The following KCNQ4 variants were observed in gnomAD, a reference collection of about 807,000 sequenced individuals.
KCNQ4 encodes the protein potassium voltage-gated channel subfamily Q member 4, also known as potassium voltage-gated channel subfamily KQT member 4.
Under a neutral mutation model 72.6 loss-of-function variants are expected in KCNQ4, and 31 were observed. That is an observed-to-expected ratio of 0.43 (90% CI 0.32 to 0.58). The LOEUF (loss-of-function observed/expected upper bound fraction) is 0.58. Ranked by LOEUF, KCNQ4 falls within the 20% of genes least tolerant of loss-of-function variation. The pLI is 0.08. For missense variants in KCNQ4, 869 were observed against 962.6 expected, an observed-to-expected ratio of 0.90 and a Z score of 1.29; for synonymous variants, 405 against 403.7, an observed-to-expected ratio of 1.00 and a Z score of -0.04.
chr1:40,800,980 C>T (rs916176255), intron 1 of KCNQ4, among the ~76,000 whole-genome samples: 6 of 152,174 alleles, frequency 3.9e-5, no homozygotes, highest in African/African-American at 1.2e-4. Context: ...AGTCGAGTGT[C>T]GCTGGTGCTT....
At chr1:40,799,451 A>G (rs1215307919) in intron 1 of KCNQ4, among the ~76,000 whole-genome samples, 1 of 151,372 alleles carries the variant, frequency 6.6e-6, no homozygotes, top group Non-Finnish European at 1.5e-5. Context: ...CTCGCTAGGC[A>G]GTAAACACTG....
intron 1 of KCNQ4, among the ~76,000 whole-genome samples, chr1:40,793,305 A>G (rs984205957): frequency 3.3e-5 from 5 of 151,886 alleles, no homozygotes; most frequent in African/African-American, 1.2e-4. Flanking sequence ...TCTTGAATGC[A>G]ACCCCCCTGG....
At chr1:40,831,514 G>A (rs1008662226) in intron 10 of KCNQ4, among the ~76,000 whole-genome samples, 61 of 152,230 alleles carry the variant, frequency 4.0e-4, no homozygotes, top group African/African-American at 1.4e-3. Context: ...GAATCACGTG[G>A]AGGGTGGCAT....
At chr1:40,818,954 T>G in intron 4 of KCNQ4, 1 of 586,648 alleles carries the variant, frequency 1.7e-6, no homozygotes, top group Non-Finnish European at 3.1e-6. Flanking sequence ...CTTCTGGGTT[T>G]GAAGGGACCA....
intron 1 of KCNQ4, among the ~76,000 whole-genome samples, chr1:40,798,845 G>A (rs1301692363): frequency 1.3e-5 from 2 of 152,356 alleles, no homozygotes; most frequent in East Asian, 3.9e-4. Context: ...AGGGGACCTT[G>A]CCACTTGCCC....
At position 40,794,037 on chromosome 1, in the gene KCNQ4, A is replaced by G. The variant is rs183321573; in HGVS notation, c.314+9630A>G. On this transcript the variant is annotated intron_variant, in intron 1 of 13. Transcript: ENST00000347132. The surrounding 1 kb of genome is among the most constrained non-coding windows in gnomAD (Gnocchi z 4.2). ...GATGAAGGTGGCATTGGGGCCAAGT[A>G]GTAAGGATGAGAAGGGTTTTGCCAA... is the stretch of plus-strand genomic sequence containing the variant. Among the ~76,000 whole-genome samples, 7 of 152,336 alleles carry G rather than the reference A, an allele frequency of 4.6e-5. No individual in the cohort carries two copies. The highest frequency in any genetic ancestry group is 7.3e-5 in the Non-Finnish European group (5 of 68,036).
chr1:40,823,093 T>C (rs1269120369), intron 8 of KCNQ4, among the ~76,000 whole-genome samples: 4 of 152,242 alleles, frequency 2.6e-5, no homozygotes, highest in African/African-American at 9.6e-5. Context: ...GGCAGGATGC[T>C]GTGCTCAGCG....
intron 1 of KCNQ4, among the ~76,000 whole-genome samples, chr1:40,807,054 G>A (rs1647786924): frequency 6.6e-6 from 1 of 152,224 alleles, no homozygotes; most frequent in South Asian, 2.1e-4. Flanking sequence ...CCCAGGGGTG[G>A]GGCAGCCCAG....
intron 1 of KCNQ4, among the ~76,000 whole-genome samples, chr1:40,785,608 CCT>C (rs1647195053): frequency 6.6e-6 from 1 of 152,090 alleles, no homozygotes; most frequent in Non-Finnish European, 1.5e-5. Context: ...CTTCTGCTTG[CCT>C]GTTTCCATCC....
Position 40,831,313 on chromosome 1 carries a change from C to T in KCNQ4, c.1513+9C>T, listed in dbSNP as rs749155342. On this transcript the variant is annotated intron_variant, in intron 10 of 13. Coordinates refer to ENST00000347132, the MANE Select transcript of KCNQ4 (RefSeq NM_004700.4). Reference sequence around the variant, plus strand: ...CCGCACCTCTGCTGAGGGTAAGCCCCCGGGGGGCTGAGTCCGATCGAGGGC... The same window carrying T: ...CCGCACCTCTGCTGAGGGTAAGCCCTCGGGGGGCTGAGTCCGATCGAGGGC... The T allele has an allele frequency of 5.7e-6, 9 of 1,581,602 alleles. No individual in the cohort carries two copies. Among genetic ancestry groups the T allele is most frequent in the Non-Finnish European group, 7.7e-6 (9 of 1,163,438 alleles).
At chr1:40,833,721 G>A (rs537952631) in intron 11 of KCNQ4, among the ~76,000 whole-genome samples, 13 of 151,472 alleles carry the variant, frequency 8.6e-5, no homozygotes, top group Non-Finnish European at 1.8e-4. Context: ...GTCAGGCTGG[G>A]CGTGGTGGCT....
chr1:40,827,888 C>A (rs1034436969), intron 9 of KCNQ4, among the ~76,000 whole-genome samples: 1 of 149,792 alleles, frequency 6.7e-6, no homozygotes, highest in Admixed American at 6.8e-5. Context: ...GTATGTTCAG[C>A]AGTTAAGATC....
At chr1:40,818,812 G>A in intron 4 of KCNQ4, 132 bp downstream of exon 4, 2 of 1,038,984 alleles carry the variant, frequency 1.9e-6, no homozygotes, top group Non-Finnish European at 1.4e-6. Flanking sequence ...GGGGGTTGGA[G>A]CCCTAGCAGG....
chr1:40,817,036 A>C lies in KCNQ4; in HGVS notation c.315-229A>C, dbSNP rs1353159052. Among the ~76,000 whole-genome samples the C allele has an allele frequency of 6.6e-5, 10 of 152,264 alleles. No homozygotes were observed. The highest frequency in any genetic ancestry group is 2.4e-4 in the African/African-American group (10 of 41,482). On this transcript the variant is annotated intron_variant, in intron 1 of 13. Transcript: ENST00000347132. The surrounding 1 kb of genome is among the most constrained non-coding windows in gnomAD (Gnocchi z 5.5). ...ACTACCTCTCTGAGCTGCAGCCTGC[A>C]GCAGGGGGCAATTGAGATAGTTGTG...
intron 1 of KCNQ4, among the ~76,000 whole-genome samples, chr1:40,785,340 G>T (rs1309089126): frequency 6.6e-6 from 1 of 152,214 alleles, no homozygotes; most frequent in African/African-American, 2.4e-5. Flanking sequence ...CAGTTGAAGG[G>T]CTGGGCCTGA....
intron 4 of KCNQ4, 165 bp downstream of exon 4, chr1:40,818,845 G>A: frequency 1.4e-6 from 1 of 734,530 alleles, no homozygotes; most frequent in South Asian, 1.7e-5. Context: ...AGCGGGTGGG[G>A]CGAAGTGGAT....
Position 40,835,112 on chromosome 1 carries a change from G to A in KCNQ4, c.1745+14G>A. On this transcript the variant is annotated intron_variant, in intron 12 of 13. Coordinates refer to ENST00000347132, the MANE Select transcript of KCNQ4 (RefSeq NM_004700.4). ...CCTGCAAACTCGGTGGGTGCACCGG[G>A]CCTGTTGGGAGGCAGGGGCAGGGAG... 6.2e-7 allele frequency: 1 copy of A among 1,611,018 alleles called. No individual in the cohort carries two copies. Among genetic ancestry groups the A allele is most frequent in the Non-Finnish European group, 8.5e-7 (1 of 1,177,732 alleles).
intron 1 of KCNQ4, among the ~76,000 whole-genome samples, chr1:40,807,202 G>A (rs528259263): frequency 1.3e-5 from 2 of 152,056 alleles, no homozygotes; most frequent in Non-Finnish European, 2.9e-5. Context: ...ATGTGCTGGC[G>A]GCTGCTGTCC....
chr1:40,803,557 G>A (rs1433952492), intron 1 of KCNQ4, among the ~76,000 whole-genome samples: 1 of 152,172 alleles, frequency 6.6e-6, no homozygotes, highest in Admixed American at 6.5e-5. Flanking sequence ...ACTAAGAAGA[G>A]TATCTGCAGA....
Sources: gnomAD v4.1 joint callset for allele counts (sites outside exome capture counted in the v4.1 genomes callset) on GRCh38, gnomAD v4.1.1 for gene constraint, Gnocchi (gnomAD v3.1) non-coding constraint, MANE v1.5 for transcripts, NCBI Gene and HGNC (gene_info 2026-07-23, HGNC 2026-07-21) for gene names.